CARMIL1: variants seen among roughly 807,000 people sequenced by gnomAD.
CARMIL1 encodes the protein F-actin-uncapping protein LRRC16A.
CARMIL1 carries 90 observed loss-of-function variants against 177.1 expected under a neutral mutation model. The ratio of observed to expected loss-of-function variants is 0.51; its 90% CI spans 0.43 to 0.61. The LOEUF (loss-of-function observed/expected upper bound fraction) is 0.61, where lower values mean the gene tolerates loss of function less well. CARMIL1 is among the 20% of genes least tolerant of loss of function. The pLI is 0.00. For missense variants in CARMIL1, 1,380 were observed against 1,667.0 expected, an observed-to-expected ratio of 0.83 and a Z score of 3.00; for synonymous variants, 577 against 606.2, an observed-to-expected ratio of 0.95 and a Z score of 0.71.
chr6:25,590,220 A>G (rs756718742), intron 31 of CARMIL1, among the ~76,000 whole-genome samples: 6 of 152,194 alleles, frequency 3.9e-5, no homozygotes, highest in Non-Finnish European at 7.4e-5. Context: ...TTGTTTTGGA[A>G]TGAATGGTAG....
intron 32 of CARMIL1, among the ~76,000 whole-genome samples, chr6:25,596,047 G>A (rs1195190220): frequency 6.6e-6 from 1 of 152,060 alleles, no homozygotes; most frequent in African/African-American, 2.4e-5. Flanking sequence ...TTAGTGAGGT[G>A]GTTTATAAGC....
At chr6:25,556,961 C>A (rs1810681246) in intron 29 of CARMIL1, 111 bp downstream of exon 29, 1 of 1,086,048 alleles carries the variant, frequency 9.2e-7, no homozygotes, top group Non-Finnish European at 1.3e-6. Context: ...AAAACACTGT[C>A]CCCACCCTCA....
Position 25,443,798 on chromosome 6 carries a change from A to G in CARMIL1, c.372-6100A>G, listed in dbSNP as rs902110709. ...GTGGTTGCTAAGAGTTGGGGTGGCT[A>G]TGGCAATTTCTTTTTTTTTTTTGAG... On this transcript the variant is annotated intron_variant, in intron 5 of 36. Transcript: ENST00000329474. Among the ~76,000 whole-genome samples, 21 of 151,080 alleles carry G rather than the reference A, an allele frequency of 1.4e-4. No homozygotes were observed. The East Asian group carries it at 4.1e-3, about 29-fold the overall frequency.
chr6:25,514,261 A>T (rs1296093857), intron 20 of CARMIL1, among the ~76,000 whole-genome samples: 1 of 152,154 alleles, frequency 6.6e-6, no homozygotes, highest in African/African-American at 2.4e-5. Flanking sequence ...AAAACGTCAC[A>T]CAAGGCCTGG....
chr6:25,555,729 A>C (rs1427592754), intron 28 of CARMIL1, among the ~76,000 whole-genome samples: 1 of 151,840 alleles, frequency 6.6e-6, no homozygotes, highest in Non-Finnish European at 1.5e-5. Flanking sequence ...CTTATTTTAG[A>C]AACAGTTTAT....
chr6:25,600,293 G>A, intron 32 of CARMIL1, 21 bp from the exon 33 acceptor site: 1 of 1,586,806 alleles, frequency 6.3e-7, no homozygotes, highest in African/African-American at 1.4e-5. Context: ...CAACAGATCT[G>A]TGTCTTGGTT....
chr6:25,478,947 T>C (rs925714580), intron 11 of CARMIL1, among the ~76,000 whole-genome samples: 2 of 152,222 alleles, frequency 1.3e-5, no homozygotes, highest in African/African-American at 4.8e-5. Flanking sequence ...TACTTCATTG[T>C]ATTTTGCTTT....
chr6:25,599,585 ACT>A (rs1422214712), intron 32 of CARMIL1, among the ~76,000 whole-genome samples: 2 of 151,930 alleles, frequency 1.3e-5, no homozygotes, highest in African/African-American at 4.8e-5. Flanking sequence ...CCCAGAGCAT[ACT>A]CTCTGCCTTT....
intron 29 of CARMIL1, among the ~76,000 whole-genome samples, chr6:25,557,297 T>C (rs1810711215): frequency 6.6e-6 from 1 of 152,208 alleles, no homozygotes; most frequent in South Asian, 2.1e-4. Flanking sequence ...TTCTGTTTCG[T>C]TAACCTGATT....
chr6:25,473,119 T>G (rs1801228058), intron 11 of CARMIL1, among the ~76,000 whole-genome samples: 1 of 152,178 alleles, frequency 6.6e-6, no homozygotes, highest in Admixed American at 6.5e-5. Flanking sequence ...AACACAGAAG[T>G]TTGCTTTGTG....
chr6:25,535,583 T>C (rs1808215558), intron 24 of CARMIL1, among the ~76,000 whole-genome samples: 1 of 151,994 alleles, frequency 6.6e-6, no homozygotes, highest in Admixed American at 6.6e-5. Flanking sequence ...CACTATAGGG[T>C]TAGGGTGAAG....
At chr6:25,516,633 C>G (rs996850788) in intron 21 of CARMIL1, among the ~76,000 whole-genome samples, 5 of 152,080 alleles carry the variant, frequency 3.3e-5, no homozygotes, top group African/African-American at 7.2e-5. Flanking sequence ...GTTGTGAGGC[C>G]GGGATCATCC....
rs1371883211 is a variant in CARMIL1 at position 25,561,960 on chromosome 6, ACT to A, written c.2742+5113_2742+5114del. On this transcript the variant is annotated intron_variant, in intron 29 of 36. Transcript: ENST00000329474. ...TCCAAATTCTAAGTTTCAAAATTAC[ACT>A]CTGAGTCCAACGAAAATGGTTAATG... is the stretch of plus-strand genomic sequence containing the variant. 4.6e-5 allele frequency among the ~76,000 whole-genome samples: 7 copies of A among 152,260 alleles called. No homozygotes were observed. The East Asian group carries it at 7.7e-4, about 17-fold the overall frequency.
rs1465439370 is a variant in CARMIL1 at position 25,520,307 on chromosome 6, C to A, written c.1938C>A (p.Asn646Lys). 1 of 1,560,544 alleles carries A rather than the reference C, an allele frequency of 6.4e-7. No individual in the cohort carries two copies. The highest frequency in any genetic ancestry group is 8.7e-7 in the Non-Finnish European group (1 of 1,150,682). ...ATGCTTCTCAAGCCCTAAAAACAAA[C>A]CCTGAAAAAACAGAAGACGCTCTGC... ...MYDASQALKT[N>K]PEKTEDALQK... is the part of the protein sequence containing the mutation. The change falls in exon 23 of 37, where the codon AAC becomes AAA. Residue 646 changes from asparagine to lysine, a missense_variant. Coordinates refer to ENST00000329474, the MANE Select transcript of CARMIL1 (RefSeq NM_017640.6).
At chr6:25,454,787 C>T (rs10498725) in intron 8 of CARMIL1, among the ~76,000 whole-genome samples, 25,832 of 151,946 alleles carry the variant, frequency 0.17, 2,261 homozygotes, top group Non-Finnish European at 0.19. Flanking sequence ...CTGATTATTT[C>T]GATGTAGTAG....
intron 23 of CARMIL1, among the ~76,000 whole-genome samples, chr6:25,528,385 T>G (rs1028333756): frequency 6.6e-6 from 1 of 152,194 alleles, no homozygotes; most frequent in Admixed American, 6.5e-5. Flanking sequence ...TATAAGAGAT[T>G]TAGAGAGCAC....
In CARMIL1 at chr6:25,284,790, CAT is replaced by C. The variant is rs777268802; in HGVS notation, c.41-20_41-19del. 1 of 1,348,686 alleles carries C rather than the reference CAT, an allele frequency of 7.4e-7. No homozygotes were observed. The highest frequency in any genetic ancestry group is 1.0e-6 in the Non-Finnish European group (1 of 967,316). The allele number at this position is 1,348,686 out of a possible 1,614,324, so 83.5% of individuals were successfully genotyped here. On this transcript the variant is annotated intron_variant, in intron 1 of 36. Transcript: ENST00000329474. Reference sequence around the variant, plus strand: ...TCAGTGCTTTTTTTCTTATTAATAACATAATTCCTTTTTTTTTTCAGAAAGCA... The same window carrying C: ...TCAGTGCTTTTTTTCTTATTAATAACAATTCCTTTTTTTTTTCAGAAAGCA...
intron 24 of CARMIL1, among the ~76,000 whole-genome samples, chr6:25,536,708 C>T (rs1306641815): frequency 6.6e-6 from 1 of 152,072 alleles, no homozygotes; most frequent in Non-Finnish European, 1.5e-5. Context: ...TGTAATCAGA[C>T]CTGAAGTCTT....
rs1476875127 is a variant in CARMIL1 at position 25,577,445 on chromosome 6, T to C, written c.2743-3479T>C. Reference sequence around the variant, plus strand: ...TCCTAATCTTCTTCTCAGCTGGTATTGTTATTTTTTTTTTCTTTCTACAGC... The same window carrying C: ...TCCTAATCTTCTTCTCAGCTGGTATCGTTATTTTTTTTTTCTTTCTACAGC... On this transcript the variant is annotated intron_variant, in intron 29 of 36. Transcript: ENST00000329474. This position sits in a 1 kb window ranked among gnomAD's most constrained non-coding sequence, Gnocchi z 4.5. Among the ~76,000 whole-genome samples, 1 of 152,102 alleles carries C rather than the reference T, an allele frequency of 6.6e-6. No homozygotes were observed. The highest frequency in any genetic ancestry group is 2.4e-5 in the African/African-American group (1 of 41,416).
Sources: allele counts gnomAD v4.1 joint callset (sites outside exome capture counted in the v4.1 genomes callset), GRCh38; gene constraint gnomAD v4.1.1; non-coding constraint Gnocchi (gnomAD v3.1); transcripts MANE v1.5; gene names NCBI Gene and HGNC (gene_info 2026-07-23, HGNC 2026-07-21).